The following ZBP1 variants were observed in gnomAD, a reference collection of about 807,000 sequenced individuals.
ZBP1 encodes the protein Z-DNA-binding protein 1.
A neutral mutation model predicts 41.1 loss-of-function variants in ZBP1; 42 were observed. The ratio of observed to expected loss-of-function variants is 1.02; its 90% CI spans 0.80 to 1.32. The LOEUF (loss-of-function observed/expected upper bound fraction) is 1.32, where lower values mean the gene tolerates loss of function less well. Among genes scored for constraint, ZBP1 ranks in the 40% most tolerant of loss-of-function variants. The probability of loss-of-function intolerance (pLI) is 0.00; values close to 1 mark genes in which losing one functional copy is unlikely to be tolerated. For synonymous variants in ZBP1, 214 were observed against 205.2 expected, an observed-to-expected ratio of 1.04 and a Z score of -0.37; for missense variants, 562 against 549.7, an observed-to-expected ratio of 1.02 and a Z score of -0.22.
chr20:57,609,561 A>T (rs1287614521), intron 7 of ZBP1, among the ~76,000 whole-genome samples: 1 of 151,862 alleles, frequency 6.6e-6, no homozygotes, highest in Non-Finnish European at 1.5e-5. Context: ...TGCTAAGTTC[A>T]ACCCCACAGA....
At position 57,610,042 on chromosome 20, in the gene ZBP1, CG is replaced by C; in HGVS notation, c.1093+106del. On this transcript the variant is annotated intron_variant, in intron 7 of 7. Transcript: ENST00000371173. The surrounding 1 kb of genome is among the most constrained non-coding windows in gnomAD (Gnocchi z 5.5). The stretch of plus-strand genomic sequence containing the variant: ...GTGGGTGGGCACAGCCTCCAGACTC[CG>C]GGAAACCAGAGATTAGCGAATGATC... 7.6e-7 allele frequency: 1 copy of C among 1,314,150 alleles called. No homozygotes were observed. Among genetic ancestry groups the C allele is most frequent in the Non-Finnish European group, 1.1e-6 (1 of 935,902 alleles). 81.4% of individuals were successfully genotyped at this position (1,314,150 alleles called of 1,614,324 possible).
chr20:57,619,188 G>C (rs2070931288), intron 1 of ZBP1, among the ~76,000 whole-genome samples: 1 of 152,226 alleles, frequency 6.6e-6, no homozygotes, highest in Non-Finnish European at 1.5e-5. Context: ...GACCTCCGCG[G>C]TCAGCCCGGC....
intron 4 of ZBP1, among the ~76,000 whole-genome samples, chr20:57,614,499 C>T (rs1455072723): frequency 2.0e-5 from 3 of 152,146 alleles, no homozygotes; most frequent in Non-Finnish European, 4.4e-5. Context: ...CCCTGGGGCT[C>T]CAGCCGGTAG....
intron 7 of ZBP1, among the ~76,000 whole-genome samples, chr20:57,607,693 C>A (rs2070531641): frequency 6.6e-6 from 1 of 152,216 alleles, no homozygotes; most frequent in South Asian, 2.1e-4. Flanking sequence ...ATTGCCACAG[C>A]TGCCTCCACC....
intron 1 of ZBP1, chr20:57,616,761 G>A (rs1424290998): frequency 4.3e-6 from 2 of 460,578 alleles, no homozygotes; most frequent in African/African-American, 2.0e-5. Context: ...GGGCAGTGGG[G>A]TTCCTCAGCT....
intron 1 of ZBP1, 80 bp downstream of exon 1, chr20:57,620,182 C>G: frequency 6.7e-7 from 1 of 1,502,776 alleles, no homozygotes; most frequent in South Asian, 1.2e-5. Context: ...TGATCTGGAC[C>G]AAGCGAAACA....
chr20:57,607,616 G>C (rs1033377024), intron 7 of ZBP1, among the ~76,000 whole-genome samples: 1 of 152,182 alleles, frequency 6.6e-6, no homozygotes, highest in Non-Finnish European at 1.5e-5. Context: ...GCATGCTACA[G>C]AGAAAGCTTT....
rs770580860 is a variant in ZBP1 at position 57,613,128 on chromosome 20, G to A, written c.670+35C>T. The A allele has an allele frequency of 8.2e-6, 13 of 1,578,664 alleles. No individual in the cohort carries two copies. The Admixed American group carries it at 8.5e-5, about 10-fold the overall frequency. On this transcript the variant is annotated intron_variant, in intron 5 of 7. Coordinates refer to ENST00000371173, the MANE Select transcript of ZBP1 (RefSeq NM_030776.3). This position sits in a 1 kb window ranked among gnomAD's most constrained non-coding sequence, Gnocchi z 4.5. ...CCAGAGGATCCGGTGGCTCCCCACCGAGGTCCCCTCCCTGGGCTCTCTTGG... is the reference window on the plus strand; with the variant it reads ...CCAGAGGATCCGGTGGCTCCCCACCAAGGTCCCCTCCCTGGGCTCTCTTGG...
rs778494907 is a variant in ZBP1, at chr20:57,610,376, C to A, written c.875-9G>T. 1.2e-6 allele frequency: 2 copies of A among 1,613,966 alleles called. No individual in the cohort carries two copies. The highest frequency in any genetic ancestry group is 3.3e-5 in the Admixed American group (2 of 60,014). The stretch of plus-strand genomic sequence containing the variant: ...GGCAGCAGTGGCAGAGACTGTGGGT[C>A]AAAGGGAGAGAGGCCTGGAGCCAGG... On this transcript the variant is annotated splice_polypyrimidine_tract_variant and intron_variant, in intron 6 of 7. Transcript: ENST00000371173. This position sits in a 1 kb window ranked among gnomAD's most constrained non-coding sequence, Gnocchi z 5.5.
intron 1 of ZBP1, 170 bp from the exon 2 acceptor site, chr20:57,616,638 G>T: frequency 1.5e-6 from 1 of 654,046 alleles, no homozygotes; most frequent in Non-Finnish European, 2.6e-6. Flanking sequence ...TAGGGCAGCT[G>T]CATCTGCCCA....
chr20:57,608,013 G>C (rs1313949516), intron 7 of ZBP1, among the ~76,000 whole-genome samples: 1 of 152,116 alleles, frequency 6.6e-6, no homozygotes, highest in Non-Finnish European at 1.5e-5. Flanking sequence ...ATGTCTCTTG[G>C]GGACAAAGAG....
At chr20:57,606,003 G>T (rs1196284591) in intron 7 of ZBP1, among the ~76,000 whole-genome samples, 3 of 151,774 alleles carry the variant, frequency 2.0e-5, no homozygotes, top group South Asian at 2.1e-4. Flanking sequence ...AGGAAGAGTT[G>T]CACGTCTCTC....
At chr20:57,615,259 G>T (rs1450211752) in intron 3 of ZBP1, 199 bp from the exon 4 acceptor site, 5 of 699,204 alleles carry the variant, frequency 7.2e-6, no homozygotes, top group Admixed American at 2.9e-5. Flanking sequence ...AGAGTGCTCT[G>T]CGCTGGGCCT....
In ZBP1 at chr20:57,610,027, A is replaced by AC. The variant is rs1263031987; in HGVS notation, c.1093+121dup. Reference sequence around the variant, plus strand: ...CTGCTGCTCCTCGCTGTGGGTGGGCACAGCCTCCAGACTCCGGGAAACCAG... The same window carrying AC: ...CTGCTGCTCCTCGCTGTGGGTGGGCACCAGCCTCCAGACTCCGGGAAACCAG... On this transcript the variant is annotated intron_variant, in intron 7 of 7. Transcript: ENST00000371173. This position sits in a 1 kb window ranked among gnomAD's most constrained non-coding sequence, Gnocchi z 5.5. 1 of 1,155,192 alleles carries AC rather than the reference A, an allele frequency of 8.7e-7. No individual in the cohort carries two copies. The highest frequency in any genetic ancestry group is 1.2e-6 in the Non-Finnish European group (1 of 801,914). 71.6% of individuals were successfully genotyped at this position (1,155,192 alleles called of 1,614,324 possible). A position where few individuals can be genotyped will look rare whatever the true frequency, so the allele number is the denominator to read the frequency against.
chr20:57,608,764 T>TG (rs71181929), intron 7 of ZBP1, among the ~76,000 whole-genome samples: 18,184 of 152,262 alleles, frequency 0.12, 1,199 homozygotes, highest in East Asian at 0.23. Flanking sequence ...GTCTCCTCAG[T>TG]TGCTGGGACA....
chr20:57,613,633 A>G lies in ZBP1; in HGVS notation c.503-303T>C, dbSNP rs985809600. On this transcript the variant is annotated intron_variant, in intron 4 of 7. Transcript: ENST00000371173. The surrounding 1 kb of genome is among the most constrained non-coding windows in gnomAD (Gnocchi z 4.5). Reference sequence around the variant, plus strand: ...GCAGGGGCCCCACACTGCTCTCCCTAGGGGGCAGCCACAGCCCGGACCCCC... The same window carrying G: ...GCAGGGGCCCCACACTGCTCTCCCTGGGGGGCAGCCACAGCCCGGACCCCC... Among the ~76,000 whole-genome samples, 3 of 152,154 alleles carry G rather than the reference A, an allele frequency of 2.0e-5. No individual in the cohort carries two copies. The highest frequency in any genetic ancestry group is 4.4e-5 in the Non-Finnish European group (3 of 68,006).
chr20:57,616,088 C>T, intron 2 of ZBP1, 156 bp downstream of exon 2: 1 of 733,834 alleles, frequency 1.4e-6, no homozygotes. Context: ...GCTGTGAGCT[C>T]CATCAACCAG....
At position 57,604,485 on chromosome 20, in the gene ZBP1, A is replaced by G; in HGVS notation, c.*88T>C. 6.6e-7 allele frequency: 1 copy of G among 1,512,540 alleles called. No individual in the cohort carries two copies. The highest frequency in any genetic ancestry group is 1.1e-5 in the South Asian group (1 of 88,586). 93.7% of individuals were successfully genotyped at this position (1,512,540 alleles called of 1,614,324 possible). ...TCTGGAAGCAAGCAGGTCAAACAAG[A>G]CGCTAAGGAATGCAGAGAGCAGCAG... On this transcript the variant is annotated 3_prime_UTR_variant, in exon 8 of 8. Transcript: ENST00000371173.
intron 6 of ZBP1, among the ~76,000 whole-genome samples, chr20:57,611,476 C>T (rs952364148): frequency 5.3e-5 from 7 of 131,330 alleles, no homozygotes; most frequent in African/African-American, 1.2e-4. Flanking sequence ...AGGCTGGTCT[C>T]GAACTCCTGA....
Sources: allele counts gnomAD v4.1 joint callset (sites outside exome capture counted in the v4.1 genomes callset), GRCh38; gene constraint gnomAD v4.1.1; non-coding constraint Gnocchi (gnomAD v3.1); transcripts MANE v1.5; gene names NCBI Gene and HGNC (gene_info 2026-07-23, HGNC 2026-07-21).